The following DOP1B variants were observed in gnomAD, a reference collection of about 807,000 sequenced individuals.
DOP1B encodes DOP1 leucine zipper like protein B, also known as protein DOP1B.
DOP1B carries 174 observed loss-of-function variants against 233.5 expected under a neutral mutation model. That is an observed-to-expected ratio of 0.75 (90% confidence interval 0.66 to 0.85). The LOEUF (loss-of-function observed/expected upper bound fraction) is 0.85, where lower values mean the gene tolerates loss of function less well. DOP1B is among the 40% of genes least tolerant of loss of function. DOP1B has a pLI of 0.00. For missense variants in DOP1B, 2,652 were observed against 2,846.6 expected (o/e 0.93, Z 1.56); for synonymous variants, 1,190 against 1,185.6 (o/e 1.00, Z -0.08).
intron 22 of DOP1B, among the ~76,000 whole-genome samples, chr21:36,253,535 G>A (rs1018816359): frequency 6.6e-6 from 1 of 151,278 alleles, no homozygotes; most frequent in African/African-American, 2.4e-5. Context: ...CCAACATGGC[G>A]AAACCTCATC....
In DOP1B at chr21:36,170,364, G is replaced by T. The variant is rs574131615; in HGVS notation, c.138+5493G>T. ...TGTAATCCCAGCACTCTGGGAGGCC[G>T]AGGCCGGCAGATCATGAGGTCAAAA... On this transcript the variant is annotated intron_variant, in intron 2 of 36. Transcript: ENST00000691173. 13 of 231,186 alleles carry T rather than the reference G, an allele frequency of 5.6e-5. No individual in the cohort carries two copies. In the South Asian group the frequency reaches 6.4e-4, roughly 11 times the overall value. 14.3% of individuals were successfully genotyped at this position (231,186 alleles called of 1,614,324 possible).
At position 36,214,496 on chromosome 21, in the gene DOP1B, C is replaced by T. The variant is rs1488120917; in HGVS notation, c.1069C>T (p.His357Tyr). 1.2e-6 allele frequency: 2 copies of T among 1,613,904 alleles called. No homozygotes were observed. The highest frequency in any genetic ancestry group is 1.7e-6 in the Non-Finnish European group (2 of 1,179,998). The change falls in exon 9 of 37, where the codon CAT becomes TAT. Residue 357 changes from histidine (H) to tyrosine (Y), a missense_variant. Around this residue, in one of 3 missense-constraint regions of DOP1B, gnomAD observed 2,617 missense variants for 2,794.3 expected, o/e 0.94. Transcript: ENST00000691173. Reference protein sequence around the residue: ...KFIDADVEERHHAYLKPFRVL... With the variant: ...KFIDADVEERYHAYLKPFRVL... ...CATAGATGCTGACGTGGAGGAACGC[C>T]ATCATGCATACCTGAAGCCTTTTCG...
chr21:36,254,045 G>A, intron 23 of DOP1B, 136 bp downstream of exon 23: 1 of 1,174,904 alleles, frequency 8.5e-7, no homozygotes, highest in Non-Finnish European at 1.2e-6. Context: ...GGGTAGTGAA[G>A]TGGAGGTGCT....
At chr21:36,158,452 C>G (rs1165297838) in intron 1 of DOP1B, among the ~76,000 whole-genome samples, 7 of 152,178 alleles carry the variant, frequency 4.6e-5, no homozygotes, top group South Asian at 2.1e-4. Context: ...AATGGCCTGA[C>G]TTCTAATATC....
intron 15 of DOP1B, among the ~76,000 whole-genome samples, chr21:36,235,866 G>GC (rs1555893487): frequency 6.8e-6 from 1 of 147,808 alleles, no homozygotes; most frequent in Admixed American, 6.8e-5. Flanking sequence ...AGGAAGTCGG[G>GC]GGGGGGGCGG....
chr21:36,268,012 T>C (rs2067249911), intron 26 of DOP1B, among the ~76,000 whole-genome samples: 1 of 152,186 alleles, frequency 6.6e-6, no homozygotes, highest in African/African-American at 2.4e-5. Flanking sequence ...TAAGGGTCTA[T>C]GTTCAGCGGT....
In DOP1B at chr21:36,280,328, A is replaced by G. The variant is rs139532526; in HGVS notation, c.6013A>G (p.Met2005Val). The G allele has an allele frequency of 1.6e-5, 25 of 1,609,404 alleles. No homozygotes were observed. Among genetic ancestry groups the G allele is most frequent in the East Asian group, 1.1e-4 (5 of 44,762 alleles). The change falls in exon 31 of 37, where the codon ATG (methionine) becomes GTG (valine). Residue 2005 changes from methionine to valine, a missense_variant. By Grantham distance (21) the Met-to-Val change is conservative (BLOSUM62 1). Around this residue, in one of 3 missense-constraint regions of DOP1B, gnomAD observed 2,617 missense variants for 2,794.3 expected, o/e 0.94. Transcript: ENST00000691173. ...IDHLLTHEKT[M>V]FKDLMNMQSS... Reference sequence around the variant, plus strand: ...CCATCTTTTGACTCATGAGAAAACAATGTTTAAGGATTTAATGAGTAAGTT... The same window carrying G: ...CCATCTTTTGACTCATGAGAAAACAGTGTTTAAGGATTTAATGAGTAAGTT...
At chr21:36,180,691 G>A (rs1410126551) in intron 2 of DOP1B, among the ~76,000 whole-genome samples, 6 of 152,132 alleles carry the variant, frequency 3.9e-5, no homozygotes, top group African/African-American at 1.4e-4. Flanking sequence ...GACCAGCCTG[G>A]CCAACATGGC....
chr21:36,178,338 G>A (rs769557267), intron 2 of DOP1B, among the ~76,000 whole-genome samples: 1 of 151,470 alleles, frequency 6.6e-6, no homozygotes, highest in East Asian at 1.9e-4. Flanking sequence ...AAAAACAAAC[G>A]AACAAACAAA....
Position 36,223,239 on chromosome 21 carries a change from A to T in DOP1B, c.1259A>T (p.Lys420Met), listed in dbSNP as rs1437536292. ...GTCCTCCCCTTTTACAGTGCAATCA[A>T]GGAAAACAGAAATGCCTCTGAGATT... The part of the protein sequence containing the change: ...QSGNSLISAI[K>M]ENRNASEIVK... Residue 420 changes from lysine (K) to methionine (M), a missense_variant, in exon 11 of 37, where the codon AAG becomes ATG. Physicochemically the swap from Lys to Met is moderately conservative, Grantham distance 95. Around this residue, in one of 3 missense-constraint regions of DOP1B, gnomAD observed 2,617 missense variants for 2,794.3 expected, o/e 0.94. Coordinates refer to ENST00000691173, the MANE Select transcript of DOP1B (RefSeq NM_001320714.2). 2 of 1,601,242 alleles carry T rather than the reference A, an allele frequency of 1.2e-6. No homozygotes were observed. Among genetic ancestry groups the T allele is most frequent in the Admixed American group, 3.6e-5 (2 of 56,192 alleles).
At chr21:36,167,910 TCA>T (rs2065928865) in intron 2 of DOP1B, among the ~76,000 whole-genome samples, 1 of 150,562 alleles carries the variant, frequency 6.6e-6, no homozygotes, top group African/African-American at 2.4e-5. Context: ...TATGGGTAAG[TCA>T]CATTTTCTTT....
rs527718364 is a variant in DOP1B at position 36,234,546 on chromosome 21, ACTTTT to A, written c.2622+1477_2622+1481del. Reference sequence around the variant, plus strand: ...TACCATTTGCCTGGCACTAGAGCATACTTTTCTTTTTTTTTTTTCCTTGAGACAGA... The same window carrying A: ...TACCATTTGCCTGGCACTAGAGCATACTTTTTTTTTTTTCCTTGAGACAGA... On this transcript the variant is annotated intron_variant, in intron 15 of 36. Transcript: ENST00000691173. 3.3e-3 allele frequency among the ~76,000 whole-genome samples: 498 copies of A among 151,184 alleles called. 2 individuals are homozygous for A. The highest frequency in any genetic ancestry group is 0.011 in the African/African-American group (465 of 41,236).
At chr21:36,254,888 C>G (rs2067074772) in intron 23 of DOP1B, among the ~76,000 whole-genome samples, 2 of 151,330 alleles carry the variant, frequency 1.3e-5, no homozygotes, top group South Asian at 4.2e-4. Context: ...TCAGAGGAGC[C>G]TAGCTAGAAT....
chr21:36,195,072 G>C (rs376748944), intron 2 of DOP1B, among the ~76,000 whole-genome samples: 1 of 152,088 alleles, frequency 6.6e-6, no homozygotes, highest in Non-Finnish European at 1.5e-5. Flanking sequence ...TGGGCATGAT[G>C]GCTCATGCCT....
chr21:36,225,569 G>T lies in DOP1B; in HGVS notation c.1375G>T (p.Val459Leu), dbSNP rs1173384490. ...TTTCTTTGCTGTGATTTATAGACCA[G>T]TGAAGCAGCGTTACAGCGTGAGGAA... ...TRCFEECFRP[V>L]KQRYSVRNSV... Residue 459 changes from valine (V) to leucine (L), a missense_variant, in exon 12 of 37, where the codon GTG becomes TTG. Around this residue, in one of 3 missense-constraint regions of DOP1B, gnomAD observed 2,617 missense variants for 2,794.3 expected, o/e 0.94. Transcript: ENST00000691173. 6.2e-7 allele frequency: 1 copy of T among 1,613,986 alleles called. No individual in the cohort carries two copies. Among genetic ancestry groups the T allele is most frequent in the Non-Finnish European group, 8.5e-7 (1 of 1,180,022 alleles).
intron 17 of DOP1B, 138 bp from the exon 18 acceptor site, chr21:36,239,627 A>C: frequency 1.1e-6 from 1 of 927,584 alleles, no homozygotes; most frequent in Non-Finnish European, 1.6e-6. Flanking sequence ...GTGCTCATCT[A>C]CTTGGGTCTG....
chr21:36,292,842 G>T (rs549489554), intron 36 of DOP1B, among the ~76,000 whole-genome samples: 2 of 152,164 alleles, frequency 1.3e-5, no homozygotes, highest in East Asian at 3.9e-4. Context: ...TCGAACTCCT[G>T]ACCTCAGGTG....
In DOP1B at chr21:36,230,875, A is replaced by G; in HGVS notation, c.2091A>G (p.Ser697=). 6.2e-7 allele frequency: 1 copy of G among 1,614,164 alleles called. No homozygotes were observed. Among genetic ancestry groups the G allele is most frequent in the Non-Finnish European group, 8.5e-7 (1 of 1,180,012 alleles). ...ITVPQFKQML[S]DLFTARGSPF... is the part of the protein sequence containing the mutation. Reference sequence around the variant, plus strand: ...TGCCTCAGTTCAAGCAGATGCTGTCAGACTTGTTCACAGCACGAGGGTCTC... The same window carrying G: ...TGCCTCAGTTCAAGCAGATGCTGTCGGACTTGTTCACAGCACGAGGGTCTC... Residue 697 remains serine, a synonymous_variant, in exon 14 of 37, where the codon TCA becomes TCG. Coordinates refer to ENST00000691173, the MANE Select transcript of DOP1B (RefSeq NM_001320714.2).
intron 35 of DOP1B, among the ~76,000 whole-genome samples, chr21:36,289,518 G>A (rs2067533364): frequency 2.6e-5 from 4 of 150,974 alleles, no homozygotes; most frequent in South Asian, 4.2e-4. Context: ...TTACCCACTG[G>A]TGCTCCTCAC....
Sources: gnomAD v4.1 joint callset for allele counts (sites outside exome capture counted in the v4.1 genomes callset) on GRCh38, gnomAD v4.1.1 for gene constraint, gnomAD v4.1.1 regional missense constraint, MANE v1.5 for transcripts, NCBI Gene and HGNC (gene_info 2026-07-23, HGNC 2026-07-21) for gene names.